The following FGGY variants were observed in gnomAD, a reference collection of about 807,000 sequenced individuals.
FGGY encodes the protein FGGY carbohydrate kinase domain containing, also known as FGGY carbohydrate kinase domain-containing protein.
FGGY carries 72 observed loss-of-function variants against 71.3 expected under a neutral mutation model. That is an observed-to-expected ratio of 1.01 (90% CI 0.84 to 1.23). The LOEUF (loss-of-function observed/expected upper bound fraction) is 1.23. Ranked by LOEUF, FGGY falls within the 50% of genes most tolerant of loss-of-function variation. FGGY has a pLI of 0.00. For missense variants in FGGY, 668 were observed against 682.3 expected (o/e 0.98, Z 0.23); for synonymous variants, 251 against 250.3 (o/e 1.00, Z -0.02).
At chr1:59,305,400 GTTAC>G (rs985210942) in intron 1 of FGGY, among the ~76,000 whole-genome samples, 34 of 152,292 alleles carry the variant, frequency 2.2e-4, no homozygotes, top group Middle Eastern at 3.4e-3. Context: ...TACAAGGATA[GTTAC>G]TTACTTGATC....
intron 7 of FGGY, among the ~76,000 whole-genome samples, chr1:59,530,872 G>A (rs2095123299): frequency 6.6e-6 from 1 of 152,186 alleles, no homozygotes; most frequent in African/African-American, 2.4e-5. Flanking sequence ...TTATCCTTAA[G>A]GTACTAGCTT....
At chr1:59,516,069 A>G (rs904360533) in intron 7 of FGGY, among the ~76,000 whole-genome samples, 1 of 146,708 alleles carries the variant, frequency 6.8e-6, no homozygotes, top group Non-Finnish European at 1.5e-5. Context: ...TATGTTGACT[A>G]TGTTTTATCC....
chr1:59,308,834 A>G (rs1222716495), intron 1 of FGGY, among the ~76,000 whole-genome samples: 1 of 152,236 alleles, frequency 6.6e-6, no homozygotes, highest in Non-Finnish European at 1.5e-5. Context: ...AAATGGCATC[A>G]TACTGTATCA....
intron 11 of FGGY, among the ~76,000 whole-genome samples, chr1:59,646,717 G>A (rs1301200646): frequency 6.6e-6 from 1 of 152,190 alleles, no homozygotes; most frequent in Non-Finnish European, 1.5e-5. Flanking sequence ...GCAAGACAAT[G>A]TTGTTGTCCC....
chr1:59,309,037 G>A (rs2043859922), intron 1 of FGGY, among the ~76,000 whole-genome samples: 1 of 152,000 alleles, frequency 6.6e-6, no homozygotes. Context: ...TCTTTTTGAT[G>A]AGTCAGTGCA....
intron 4 of FGGY, among the ~76,000 whole-genome samples, chr1:59,346,891 C>T (rs1020250060): frequency 2.7e-5 from 4 of 149,158 alleles, no homozygotes; most frequent in East Asian, 3.9e-4. Flanking sequence ...TGTGATCCTG[C>T]AAAAGTGATA....
chr1:59,373,636 A>T (rs1035079609), intron 4 of FGGY, among the ~76,000 whole-genome samples: 5 of 152,194 alleles, frequency 3.3e-5, no homozygotes, highest in Non-Finnish European at 5.9e-5. Flanking sequence ...TGGAGGCATC[A>T]CGCTACCTGA....
chr1:59,536,445 T>C (rs1360601617), intron 7 of FGGY, among the ~76,000 whole-genome samples: 1 of 152,034 alleles, frequency 6.6e-6, no homozygotes, highest in Admixed American at 6.5e-5. Context: ...TTCCAATCAA[T>C]AGAAAAAGAA....
At chr1:59,387,591 A>C (rs79546392) in intron 5 of FGGY, among the ~76,000 whole-genome samples, 11,505 of 152,172 alleles carry the variant, frequency 0.076, 504 homozygotes, top group African/African-American at 0.11. Context: ...TTTAAAAAAA[A>C]ATTTTTTTGC....
chr1:59,494,139 T>C (rs1337293421), intron 6 of FGGY, among the ~76,000 whole-genome samples: 1 of 152,144 alleles, frequency 6.6e-6, no homozygotes, highest in African/African-American at 2.4e-5. Context: ...CTCTTGAAGG[T>C]AGCAGTAAGC....
intron 7 of FGGY, among the ~76,000 whole-genome samples, chr1:59,535,215 A>G (rs904773402): frequency 6.6e-6 from 1 of 151,730 alleles, no homozygotes; most frequent in African/African-American, 2.4e-5. Context: ...TAAACCAACA[A>G]AGATCAAAAG....
At chr1:59,480,141 C>T (rs954396043) in intron 6 of FGGY, among the ~76,000 whole-genome samples, 1 of 152,164 alleles carries the variant, frequency 6.6e-6, no homozygotes, top group Non-Finnish European at 1.5e-5. Flanking sequence ...CTGAACACTG[C>T]AGCCAGCATG....
At chr1:59,746,029 G>A (rs1319566530) in intron 14 of FGGY, among the ~76,000 whole-genome samples, 5 of 152,120 alleles carry the variant, frequency 3.3e-5, no homozygotes, top group African/African-American at 9.7e-5. Flanking sequence ...TTTTGAAACC[G>A]TCTAACAGTG....
chr1:59,404,890 G>T (rs747940190), intron 5 of FGGY, among the ~76,000 whole-genome samples: 3 of 152,130 alleles, frequency 2.0e-5, no homozygotes, highest in Non-Finnish European at 1.5e-5. Context: ...ACGTACTGCC[G>T]CTGAGCTCAC....
chr1:59,705,497 C>G (rs945290890), intron 14 of FGGY, among the ~76,000 whole-genome samples: 3 of 152,110 alleles, frequency 2.0e-5, no homozygotes, highest in Admixed American at 1.3e-4. Context: ...CTGGCAGGTC[C>G]CTGTGTTTGT....
chr1:59,623,728 C>T (rs1025710000), intron 9 of FGGY, among the ~76,000 whole-genome samples: 3 of 152,156 alleles, frequency 2.0e-5, no homozygotes, highest in African/African-American at 7.2e-5. Context: ...ATAATGATTG[C>T]CAAATGATTG....
intron 7 of FGGY, among the ~76,000 whole-genome samples, chr1:59,543,422 G>A (rs1374002964): frequency 6.6e-6 from 1 of 152,182 alleles, no homozygotes; most frequent in Non-Finnish European, 1.5e-5. Flanking sequence ...ATTGTCCGAA[G>A]CTTGAGTCAA....
At chr1:59,662,303 G>A (rs1051207408) in intron 12 of FGGY, among the ~76,000 whole-genome samples, 1 of 144,422 alleles carries the variant, frequency 6.9e-6, no homozygotes, top group Non-Finnish European at 1.5e-5. Context: ...CTGGGTCACA[G>A]AGCGAGACTC....
chr1:59,448,140 T>C (rs2071752497), intron 5 of FGGY, among the ~76,000 whole-genome samples: 1 of 152,074 alleles, frequency 6.6e-6, no homozygotes, highest in Admixed American at 6.5e-5. Context: ...GAGTTACTAC[T>C]ACCATGGTTT....
Sources: gnomAD v4.1 joint callset for allele counts (sites outside exome capture counted in the v4.1 genomes callset) on GRCh38, gnomAD v4.1.1 for gene constraint, MANE v1.5 for transcripts, NCBI Gene and HGNC (gene_info 2026-07-23, HGNC 2026-07-21) for gene names.